The following DENND2B variants were observed in gnomAD, a reference collection of about 807,000 sequenced individuals.
DENND2B encodes DENN domain-containing protein 2B.
Under a neutral mutation model 116.0 loss-of-function variants are expected in DENND2B, and 32 were observed. The observed-to-expected ratio is 0.28, with a 90% CI of 0.21 to 0.37. The LOEUF (loss-of-function observed/expected upper bound fraction) is 0.37, where lower values mean the gene tolerates loss of function less well. Ranked by LOEUF, DENND2B falls within the 10% of genes least tolerant of loss-of-function variation. The pLI, the probability that DENND2B is intolerant of heterozygous loss-of-function variation, is 1.00. For missense variants in DENND2B, 1,276 were observed against 1,477.7 expected (o/e 0.86, Z 2.24); for synonymous variants, 588 against 583.9 (o/e 1.01, Z -0.10).
At chr11:8,791,603 T>C (rs1166254284) in intron 1 of DENND2B, among the ~76,000 whole-genome samples, 1 of 150,916 alleles carries the variant, frequency 6.6e-6, no homozygotes, top group Non-Finnish European at 1.5e-5. Context: ...CCATCTCTAC[T>C]AAAAATACAA....
intron 1 of DENND2B, among the ~76,000 whole-genome samples, chr11:8,762,495 C>G (rs901159048): frequency 1.3e-5 from 2 of 152,210 alleles, no homozygotes; most frequent in African/African-American, 4.8e-5. Context: ...AGGGGGCCTC[C>G]CCCTGTGAAA....
chr11:8,728,001 A>G (rs1448188307), intron 3 of DENND2B, among the ~76,000 whole-genome samples: 1 of 78,532 alleles, frequency 1.3e-5, no homozygotes, highest in Non-Finnish European at 2.6e-5. Context: ...ACACACACAC[A>G]CACACACGCA....
At chr11:8,872,344 G>A (rs960266129), upstream of DENND2B, among the ~76,000 whole-genome samples, 9 of 152,064 alleles carry the variant, frequency 5.9e-5, no homozygotes, top group Non-Finnish European at 1.0e-4. Flanking sequence ...AAAGTTAGCA[G>A]GAGTGGTGGC....
At chr11:8,736,790 G>T (rs971323457) in intron 2 of DENND2B, among the ~76,000 whole-genome samples, 3 of 152,158 alleles carry the variant, frequency 2.0e-5, no homozygotes, top group Admixed American at 2.0e-4. Flanking sequence ...GAGCCTGAGA[G>T]ACACCAGAAG....
In DENND2B at chr11:8,708,164, G is replaced by A. The variant is rs974896647; in HGVS notation, c.2353-310C>T. ...GCAAAGGGCAAAGCAGTTTGGCAGA[G>A]GCTACAGGGTGTCTGTGGATTCATA... On this transcript the variant is annotated intron_variant, in intron 11 of 19. Transcript: ENST00000313726. The A allele has an allele frequency of 5.4e-6, 7 of 1,303,810 alleles. No individual in the cohort carries two copies. The Admixed American group carries it at 1.6e-4, about 30-fold the overall frequency. The allele number at this position is 1,303,810 out of a possible 1,614,324, so 80.8% of individuals were successfully genotyped here.
At position 8,702,489 on chromosome 11, in the gene DENND2B, C is replaced by CT; in HGVS notation, c.2720+82dup. ...CTCCAGCACTGGTCTCCGGCGCCTG[C>CT]TTAGGCTCCTGAACACTTGCTGATT... On this transcript the variant is annotated intron_variant, in intron 14 of 19. Coordinates refer to ENST00000313726, the MANE Select transcript of DENND2B (RefSeq NM_213618.2). The surrounding 1 kb of genome is among the most constrained non-coding windows in gnomAD (Gnocchi z 4.6). 6.3e-7 allele frequency: 1 copy of CT among 1,584,334 alleles called. No individual in the cohort carries two copies. The highest frequency in any genetic ancestry group is 8.5e-7 in the Non-Finnish European group (1 of 1,170,138).
At chr11:8,888,204 G>A (rs975435981) in intron 1 of DENND2B, among the ~76,000 whole-genome samples, 10 of 152,142 alleles carry the variant, frequency 6.6e-5, no homozygotes, top group African/African-American at 9.7e-5. Context: ...TGTAGTGGAC[G>A]CTACCCATGA....
intron 1 of DENND2B, among the ~76,000 whole-genome samples, chr11:8,756,295 G>A (rs569593735): frequency 3.3e-5 from 5 of 152,228 alleles, no homozygotes; most frequent in Non-Finnish European, 5.9e-5. Context: ...TCATGCAGTT[G>A]TATATGAGAA....
intron 1 of DENND2B, among the ~76,000 whole-genome samples, chr11:8,898,483 A>G (rs542943887): frequency 6.6e-6 from 1 of 152,360 alleles, no homozygotes; most frequent in Admixed American, 6.5e-5. Flanking sequence ...CAACCCCGTT[A>G]ACTCACTAAA....
At chr11:8,839,310 C>A (rs1006328684) in exon 4 of DENND2B, 1 of 152,190 alleles carries the variant, frequency 6.6e-6, no homozygotes, top group South Asian at 2.1e-4. Flanking sequence ...AAAAACCTAC[C>A]TGAATTATCC....
intron 3 of DENND2B, among the ~76,000 whole-genome samples, chr11:8,851,729 G>A (rs2063014979): frequency 6.6e-6 from 1 of 151,952 alleles, no homozygotes; most frequent in Non-Finnish European, 1.5e-5. Flanking sequence ...TACATAGGGG[G>A]GGACAAACTA....
At chr11:8,782,586 A>G (rs2058478560) in intron 1 of DENND2B, among the ~76,000 whole-genome samples, 1 of 152,132 alleles carries the variant, frequency 6.6e-6, no homozygotes. Flanking sequence ...TACTTTTCCA[A>G]GTTTTAAAAG....
At chr11:8,766,186 C>T (rs2055738033) in intron 1 of DENND2B, among the ~76,000 whole-genome samples, 1 of 152,066 alleles carries the variant, frequency 6.6e-6, no homozygotes, top group African/African-American at 2.4e-5. Flanking sequence ...TTCATGGAGC[C>T]AAGAGGAGTT....
chr11:8,710,875 G>A lies in DENND2B; in HGVS notation c.2322C>T (p.Ser774=). The A allele has an allele frequency of 6.2e-7, 1 of 1,614,038 alleles. No individual in the cohort carries two copies. The highest frequency in any genetic ancestry group is 8.5e-7 in the Non-Finnish European group (1 of 1,180,018). The change falls in exon 11 of 20, where the codon AGC becomes AGT. Residue 774 remains serine (S), a synonymous_variant. Transcript: ENST00000313726. ...AGCGCCTGCAGTAGCCAAAGCGTCTGCTGCCATCTTCCCCAGTCAGCATGA... is the reference window on the plus strand; with the variant it reads ...AGCGCCTGCAGTAGCCAAAGCGTCTACTGCCATCTTCCCCAGTCAGCATGA... ...FSFMLTGEDG[S]RRFGYCRRLL...
At chr11:8,888,867 A>G (rs1050757752) in intron 1 of DENND2B, among the ~76,000 whole-genome samples, 20 of 152,260 alleles carry the variant, frequency 1.3e-4, no homozygotes, top group Admixed American at 9.2e-4. Flanking sequence ...CTACAATGAG[A>G]TGCCACCTCA....
At position 8,828,996 on chromosome 11, in the gene DENND2B, GTGTGTGTAGTA is replaced by G. The variant is rs553832272; in HGVS notation, c.-115+10303_-115+10313del. 8.8e-3 allele frequency among the ~76,000 whole-genome samples: 1,333 copies of G among 150,646 alleles called. 29 individuals carry two copies. The highest frequency in any genetic ancestry group is 0.06 in the South Asian group (283 of 4,730). On this transcript the variant is annotated intron_variant, in intron 4 of 6. Coordinates refer to the DENND2B transcript ENST00000524757. Reference sequence around the variant, plus strand: ...TGTGTGTGGTGTGCATGTGTGTGGTGTGTGTGTAGTATGTGTGGAGTGTGTTGTGCGTGTGT... The same window carrying G: ...TGTGTGTGGTGTGCATGTGTGTGGTGTGTGTGGAGTGTGTTGTGCGTGTGT...
intron 6 of DENND2B, 149 bp downstream of exon 6, chr11:8,715,454 A>G: frequency 1.5e-6 from 1 of 689,300 alleles, no homozygotes; most frequent in Non-Finnish European, 2.4e-6. Context: ...GATGAAAAAG[A>G]GGCCAGTGCA....
At chr11:8,803,074 A>G (rs1216364657) in intron 1 of DENND2B, among the ~76,000 whole-genome samples, 1 of 152,218 alleles carries the variant, frequency 6.6e-6, no homozygotes. Context: ...TGAAAACACA[A>G]GATATACACA....
intron 1 of DENND2B, among the ~76,000 whole-genome samples, chr11:8,804,951 T>C (rs895115321): frequency 3.3e-5 from 5 of 152,198 alleles, no homozygotes; most frequent in Admixed American, 1.3e-4. Context: ...AAGTTGATAA[T>C]AATATACTGG....
Sources: gnomAD v4.1 joint callset for allele counts (sites outside exome capture counted in the v4.1 genomes callset) on GRCh38, gnomAD v4.1.1 for gene constraint, Gnocchi (gnomAD v3.1) non-coding constraint, MANE v1.5 for transcripts, NCBI Gene and HGNC (gene_info 2026-07-23, HGNC 2026-07-21) for gene names.